Variants in POU4F1 observed in about 807,000 individuals in gnomAD.
The protein encoded by POU4F1 is POU domain, class 4, transcription factor 1.
In POU4F1, 5 loss-of-function variants were observed where a neutral mutation model predicts 19.8. That is an observed-to-expected ratio of 0.25 (90% CI 0.13 to 0.53). The LOEUF (loss-of-function observed/expected upper bound fraction) is 0.53. POU4F1 is among the 20% of genes least tolerant of loss of function. POU4F1 has a pLI of 0.96. For synonymous variants in POU4F1, 266 were observed against 247.7 expected, an observed-to-expected ratio of 1.07 and a Z score of -0.69; for missense variants, 408 against 511.6, an observed-to-expected ratio of 0.80 and a Z score of 1.95.
At position 78,603,342 on chromosome 13, in the gene POU4F1, T is replaced by G; in HGVS notation, c.-16A>C. 1 of 1,572,834 alleles carries G rather than the reference T, an allele frequency of 6.4e-7. No homozygotes were observed. The highest frequency in any genetic ancestry group is 8.6e-7 in the Non-Finnish European group (1 of 1,160,452). ...TGGACATCATCGTGGCGGCTTGGCATGTATATCCACAAACACTCCGAAAGT... is the reference window on the plus strand; with the variant it reads ...TGGACATCATCGTGGCGGCTTGGCAGGTATATCCACAAACACTCCGAAAGT... On this transcript the variant is annotated 5_prime_UTR_variant, in exon 1 of 2. An upstream start codon of the reference 5' UTR is lost. Coordinates refer to ENST00000377208, the MANE Select transcript of POU4F1 (RefSeq NM_006237.4).
At position 78,601,239 on chromosome 13, in the gene POU4F1, G is replaced by A. The variant is rs1874681273; in HGVS notation, c.*176C>T. The A allele has an allele frequency of 1.7e-6, 2 of 1,178,866 alleles. No homozygotes were observed. The highest frequency in any genetic ancestry group is 2.3e-6 in the Non-Finnish European group (2 of 862,016). 73.0% of individuals were successfully genotyped at this position (1,178,866 alleles called of 1,614,324 possible). On this transcript the variant is annotated 3_prime_UTR_variant, in exon 2 of 2. Coordinates refer to ENST00000377208, the MANE Select transcript of POU4F1 (RefSeq NM_006237.4). ...AGCACCCCAGTCCTCAAGGCTAGGG[G>A]ACAGCAAAGGCAGGAAAATCAGAGA...
rs758672357 is a variant in POU4F1, at chr13:78,601,410, C to T, written c.*5G>A. On this transcript the variant is annotated 3_prime_UTR_variant, in exon 2 of 2. Coordinates refer to ENST00000377208, the MANE Select transcript of POU4F1 (RefSeq NM_006237.4). The stretch of plus-strand genomic sequence containing the variant: ...TTCTGTCCCGCCCGACACCTCCCAG[C>T]CCCCTCAGTAAGTGGCAGAGAATTT... 3 of 1,613,488 alleles carry T rather than the reference C, an allele frequency of 1.9e-6. No homozygotes were observed. Among genetic ancestry groups the T allele is most frequent in the Non-Finnish European group, 2.5e-6 (3 of 1,180,024 alleles).
chr13:78,601,382 C>A lies in POU4F1; in HGVS notation c.*33G>T. The stretch of plus-strand genomic sequence containing the variant: ...CCCCCAAAAATGCCTCCTCAGCTCC[C>A]CATTCTGTCCCGCCCGACACCTCCC... On this transcript the variant is annotated 3_prime_UTR_variant, in exon 2 of 2. Transcript: ENST00000377208. 6.2e-7 allele frequency: 1 copy of A among 1,612,794 alleles called. No homozygotes were observed. Among genetic ancestry groups the A allele is most frequent in the Non-Finnish European group, 8.5e-7 (1 of 1,179,776 alleles).
Position 78,598,630 on chromosome 13 carries a change from A to T in POU4F1, c.*2785T>A, listed in dbSNP as rs1368311713. 2.6e-5 allele frequency: 4 copies of T among 152,236 alleles called. No homozygotes were observed. The highest frequency in any genetic ancestry group is 5.9e-5 in the Non-Finnish European group (4 of 68,034). The allele number at this position is 152,236 out of a possible 1,614,324, so 9.4% of individuals were successfully genotyped here. The stretch of plus-strand genomic sequence containing the variant: ...AGATGATATAATCTCAACTCTTAAG[A>T]AACTTTGTACATTTGGCATCTGATC... On this transcript the variant is annotated 3_prime_UTR_variant, in exon 2 of 2. Coordinates refer to ENST00000377208, the MANE Select transcript of POU4F1 (RefSeq NM_006237.4).
chr13:78,601,845 T>A lies in POU4F1; in HGVS notation c.830A>T (p.Gln277Leu), dbSNP rs1227387017. The A allele has an allele frequency of 3.1e-6, 5 of 1,606,524 alleles. No individual in the cohort carries two copies. Among genetic ancestry groups the A allele is most frequent in the African/African-American group, 1.3e-5 (1 of 74,830 alleles). The change falls in exon 2 of 2, where the codon CAG becomes CTG. Residue 277 changes from glutamine (Q) to leucine (L), a missense_variant. This residue lies in a region of POU4F1 where 40 missense variants were observed against 100.7 expected (regional missense o/e 0.40). Transcript: ENST00000377208. ...ELEAFAERFK[Q>L]RRIKLGVTQA... ...CGTCACGCCCAGCTTGATGCGCCGC[T>A]GCTTGAAGCGCTCCGCGAACGCCTC...
At chr13:78,602,988 A>G (rs1874774752) in intron 1 of POU4F1, among the ~76,000 whole-genome samples, 1 of 151,976 alleles carries the variant, frequency 6.6e-6, no homozygotes, top group South Asian at 2.1e-4. Flanking sequence ...AGCGCTCCCT[A>G]CTCCGATCGC....
rs1197329759 is a variant in POU4F1, at chr13:78,601,388, T to C, written c.*27A>G. The C allele has an allele frequency of 1.2e-6, 2 of 1,613,150 alleles. No homozygotes were observed. The highest frequency in any genetic ancestry group is 3.3e-5 in the Admixed American group (2 of 59,996). Reference sequence around the variant, plus strand: ...AAAATGCCTCCTCAGCTCCCCATTCTGTCCCGCCCGACACCTCCCAGCCCC... The same window carrying C: ...AAAATGCCTCCTCAGCTCCCCATTCCGTCCCGCCCGACACCTCCCAGCCCC... On this transcript the variant is annotated 3_prime_UTR_variant, in exon 2 of 2. Transcript: ENST00000377208.
Position 78,602,680 on chromosome 13 carries a change from C to A in POU4F1, c.124-129G>T, listed in dbSNP as rs1874759644. On this transcript the variant is annotated intron_variant, in intron 1 of 1. Coordinates refer to ENST00000377208, the MANE Select transcript of POU4F1 (RefSeq NM_006237.4). ...GGCAAACACAAAGCAACCAAAATAACAACGGGTTTGGGGGCAGTGGAGAGC... is the reference window on the plus strand; with the variant it reads ...GGCAAACACAAAGCAACCAAAATAAAAACGGGTTTGGGGGCAGTGGAGAGC... 1.2e-5 allele frequency: 13 copies of A among 1,103,970 alleles called. No individual in the cohort carries two copies. In the South Asian group the frequency reaches 3.3e-4, roughly 28 times the overall value. The allele number at this position is 1,103,970 out of a possible 1,614,324, so 68.4% of individuals were successfully genotyped here. A position where few individuals can be genotyped will look rare whatever the true frequency, so the allele number is the denominator to read the frequency against.
In POU4F1 at chr13:78,603,362, G is replaced by C. The variant is rs926633385; in HGVS notation, c.-36C>G. ...TGGCATGTATATCCACAAACACTCC[G>C]AAAGTCCGCGGGAAAGTGCGTACGC... is the stretch of plus-strand genomic sequence containing the variant. On this transcript the variant is annotated 5_prime_UTR_variant, in exon 1 of 2. Transcript: ENST00000377208. 57 of 1,550,130 alleles carry C rather than the reference G, an allele frequency of 3.7e-5. No homozygotes were observed. Among genetic ancestry groups the C allele is most frequent in the Non-Finnish European group, 4.4e-5 (51 of 1,149,230 alleles).
At chr13:78,602,682 A>C in intron 1 of POU4F1, 131 bp from the exon 2 acceptor site, 290 of 779,858 alleles carry the variant, frequency 3.7e-4, no homozygotes, top group East Asian at 1.3e-3. Flanking sequence ...CAAAATAACA[A>C]CGGGTTTGGG....
rs1874785911 is a variant in POU4F1 at position 78,603,227 on chromosome 13, G to A, written c.100C>T (p.Arg34Trp). ...SLHSSSEAIR[R>W]ACLPTPPLQS... is the part of the protein sequence containing the mutation. ...ACCGGCGGCGTGGGCAGGCAGGCCCGCCGGATGGCCTCGGAGCTGGAGTGC... is the reference window on the plus strand; with the variant it reads ...ACCGGCGGCGTGGGCAGGCAGGCCCACCGGATGGCCTCGGAGCTGGAGTGC... The change falls in exon 1 of 2, where the codon CGG (arginine) becomes TGG (tryptophan). Residue 34 changes from arginine (R) to tryptophan (W), a missense_variant. Physicochemically the swap from Arg to Trp is moderately radical, Grantham distance 101. Around this residue, in one of 4 missense-constraint regions of POU4F1, gnomAD observed 294 missense variants for 288.2 expected, o/e 1.02. Transcript: ENST00000377208. 6.4e-7 allele frequency: 1 copy of A among 1,553,788 alleles called. No homozygotes were observed. Among genetic ancestry groups the A allele is most frequent in the Non-Finnish European group, 8.7e-7 (1 of 1,151,524 alleles).
Position 78,602,065 on chromosome 13 carries a change from C to A in POU4F1, c.610G>T (p.Ala204Ser). ...HSLGHLSHPA[A>S]AAAMNMPSGL... is the part of the protein sequence containing the mutation. The stretch of plus-strand genomic sequence containing the variant: ...GACGGCATGTTCATGGCGGCCGCCG[C>A]CGCGGGGTGCGACAGGTGGCCCAGG... The change falls in exon 2 of 2, where the codon GCG (alanine) becomes TCG (serine). Residue 204 changes from alanine (A) to serine (S), a missense_variant. Transcript: ENST00000377208. The A allele has an allele frequency of 2.5e-6, 1 of 397,406 alleles. No individual in the cohort carries two copies. The highest frequency in any genetic ancestry group is 3.4e-6 in the Non-Finnish European group (1 of 294,184). The allele number at this position is 397,406 out of a possible 1,614,324, so 24.6% of individuals were successfully genotyped here.
rs1214578473 is a variant in POU4F1 at position 78,601,304 on chromosome 13, G to T, written c.*111C>A. 2.7e-6 allele frequency: 4 copies of T among 1,497,020 alleles called. No individual in the cohort carries two copies. The highest frequency in any genetic ancestry group is 2.7e-6 in the Non-Finnish European group (3 of 1,119,930). The allele number at this position is 1,497,020 out of a possible 1,614,324, so 92.7% of individuals were successfully genotyped here. A position where few individuals can be genotyped will look rare whatever the true frequency, so the allele number is the denominator to read the frequency against. ...GAGAGCGAGAAGGGACTCCCCAAAT[G>T]CAGGCAGGATAACGGACACTCCAAA... On this transcript the variant is annotated 3_prime_UTR_variant, in exon 2 of 2. Transcript: ENST00000377208.
In POU4F1 at chr13:78,602,349, T is replaced by TGGA; in HGVS notation, c.325_326insTCC (p.His108_Gln109insLeu). On this transcript the variant is annotated inframe_insertion, in exon 2 of 2. Coordinates refer to ENST00000377208, the MANE Select transcript of POU4F1 (RefSeq NM_006237.4). ...CAGCAGATCGCCGGGTTCGAGCGCC[T>TGGA]GGTGGTGGTGGTGGTGGTGGTGGTG... The TGGA allele has an allele frequency of 9.3e-6, 11 of 1,177,434 alleles. No individual in the cohort carries two copies. Among genetic ancestry groups the TGGA allele is most frequent in the Non-Finnish European group, 1.1e-5 (10 of 924,232 alleles). The allele number at this position is 1,177,434 out of a possible 1,614,324, so 72.9% of individuals were successfully genotyped here. A position where few individuals can be genotyped will look rare whatever the true frequency, so the allele number is the denominator to read the frequency against.
At chr13:78,602,683 C>A (rs1344331844) in intron 1 of POU4F1, 132 bp from the exon 2 acceptor site, 2 of 1,043,716 alleles carry the variant, frequency 1.9e-6, no homozygotes, top group African/African-American at 1.7e-5. Context: ...AAAATAACAA[C>A]GGGTTTGGGG....
chr13:78,601,379 TC>T lies in POU4F1; in HGVS notation c.*35del, dbSNP rs1437511612. On this transcript the variant is annotated 3_prime_UTR_variant, in exon 2 of 2. Transcript: ENST00000377208. ...AGCCCCCCAAAAATGCCTCCTCAGC[TC>T]CCCATTCTGTCCCGCCCGACACCTC... The T allele has an allele frequency of 1.2e-6, 2 of 1,611,912 alleles. No individual in the cohort carries two copies. Among genetic ancestry groups the T allele is most frequent in the African/African-American group, 2.7e-5 (2 of 74,740 alleles).
Position 78,602,456 on chromosome 13 carries a change from G to A in POU4F1, c.219C>T (p.Ser73=), listed in dbSNP as rs1390844395. ...AVDIAVSQGK[S]HPFKPDATYH... ...ACGTGGCGTCCGGCTTGAAAGGATG[G>A]CTCTTGCCCTGGGACACGGCGATGT... The change falls in exon 2 of 2, where the codon AGC becomes AGT. Residue 73 remains serine (S), a synonymous_variant. Transcript: ENST00000377208. 3 of 1,601,324 alleles carry A rather than the reference G, an allele frequency of 1.9e-6. No homozygotes were observed. Among genetic ancestry groups the A allele is most frequent in the Admixed American group, 1.7e-5 (1 of 58,482 alleles).
rs1449287794 is a variant in POU4F1, at chr13:78,601,877, G to C, written c.798C>G (p.Arg266=). The C allele has an allele frequency of 4.4e-6, 7 of 1,578,216 alleles. No homozygotes were observed. Among genetic ancestry groups the C allele is most frequent in the Non-Finnish European group, 6.0e-6 (7 of 1,168,782 alleles). Residue 266 remains arginine, a synonymous_variant, in exon 2 of 2, where the codon CGC becomes CGG. Transcript: ENST00000377208. The part of the protein sequence containing the change: ...ASICDSDTDP[R]ELEAFAERFK... Reference sequence around the variant, plus strand: ...AGCGCTCCGCGAACGCCTCGAGCTCGCGCGGGTCCGTGTCCGAGTCGCAGA... The same window carrying C: ...AGCGCTCCGCGAACGCCTCGAGCTCCCGCGGGTCCGTGTCCGAGTCGCAGA...
In POU4F1 at chr13:78,600,325, A is replaced by C. The variant is rs1375948969; in HGVS notation, c.*1090T>G. Reference sequence around the variant, plus strand: ...AAACCTCTCTCTAAAAAAAAGATAAAACTGAAAGGGCAAGTTAAAGTTCTA... The same window carrying C: ...AAACCTCTCTCTAAAAAAAAGATAACACTGAAAGGGCAAGTTAAAGTTCTA... On this transcript the variant is annotated 3_prime_UTR_variant, in exon 2 of 2. Transcript: ENST00000377208. 3 of 152,142 alleles carry C rather than the reference A, an allele frequency of 2.0e-5. No individual in the cohort carries two copies. The highest frequency in any genetic ancestry group is 7.2e-5 in the African/African-American group (3 of 41,430). 9.4% of individuals were successfully genotyped at this position (152,142 alleles called of 1,614,324 possible).
Sources: gnomAD v4.1 joint callset for allele counts (sites outside exome capture counted in the v4.1 genomes callset) on GRCh38, gnomAD v4.1.1 for gene constraint, gnomAD v4.1.1 regional missense constraint, MANE v1.5 for transcripts, NCBI Gene and HGNC (gene_info 2026-07-23, HGNC 2026-07-21) for gene names.